GSTCD: variants seen among roughly 807,000 people sequenced by gnomAD.
The protein encoded by GSTCD is glutathione S-transferase C-terminal domain-containing protein.
A neutral mutation model predicts 68.3 loss-of-function variants in GSTCD; 44 were observed. That is an observed-to-expected ratio of 0.64 (90% CI 0.51 to 0.83). The LOEUF (loss-of-function observed/expected upper bound fraction) is 0.83, where lower values mean the gene tolerates loss of function less well. Ranked by LOEUF, GSTCD falls within the 40% of genes least tolerant of loss-of-function variation. The probability of loss-of-function intolerance (pLI) is 0.00; values close to 1 mark genes in which losing one functional copy is unlikely to be tolerated. For synonymous variants in GSTCD, 273 were observed against 255.2 expected, an observed-to-expected ratio of 1.07 and a Z score of -0.67; for missense variants, 739 against 735.9, an observed-to-expected ratio of 1.00 and a Z score of -0.05.
At chr4:105,823,389 T>C in intron 7 of GSTCD, 114 bp downstream of exon 7, 1 of 774,034 alleles carries the variant, frequency 1.3e-6, no homozygotes, top group South Asian at 1.6e-5. Flanking sequence ...GTCAAATATG[T>C]GGCACAGGCA....
chr4:105,745,559 T>TCA (rs1733771905), intron 5 of GSTCD, among the ~76,000 whole-genome samples: 1 of 152,160 alleles, frequency 6.6e-6, no homozygotes, highest in Non-Finnish European at 1.5e-5. Flanking sequence ...AAGTCCAGAG[T>TCA]CACCCTCTGT....
intron 5 of GSTCD, among the ~76,000 whole-genome samples, chr4:105,743,165 T>C (rs565898069): frequency 3.0e-4 from 45 of 152,194 alleles, no homozygotes; most frequent in African/African-American, 8.4e-4. Flanking sequence ...TTAGCCAGGA[T>C]GGTCTCGATC....
At chr4:105,742,707 C>CTTT (rs70941211) in intron 5 of GSTCD, among the ~76,000 whole-genome samples, 4 of 130,398 alleles carry the variant, frequency 3.1e-5, no homozygotes, top group African/African-American at 5.4e-5. Context: ...GTTGTTTTTA[C>CTTT]TTTTTTTTTT....
At chr4:105,839,646 AAG>A (rs147101146) in intron 10 of GSTCD, among the ~76,000 whole-genome samples, 25 of 150,582 alleles carry the variant, frequency 1.7e-4, no homozygotes, top group Admixed American at 2.6e-4. Flanking sequence ...GTCTCAAGAA[AAG>A]AGAGAGAGAG....
At chr4:105,750,663 A>G (rs891708721) in intron 5 of GSTCD, among the ~76,000 whole-genome samples, 1 of 152,150 alleles carries the variant, frequency 6.6e-6, no homozygotes, top group Non-Finnish European at 1.5e-5. Context: ...CCAGAAAAAT[A>G]ACAACTTATA....
At chr4:105,791,025 A>G (rs1735643706) in intron 5 of GSTCD, among the ~76,000 whole-genome samples, 1 of 151,974 alleles carries the variant, frequency 6.6e-6, no homozygotes, top group Non-Finnish European at 1.5e-5. Context: ...GATTTTTCTC[A>G]TGGCCAAAAA....
intron 9 of GSTCD, among the ~76,000 whole-genome samples, chr4:105,836,339 G>A (rs951913180): frequency 3.9e-5 from 6 of 152,190 alleles, no homozygotes; most frequent in Non-Finnish European, 7.3e-5. Flanking sequence ...GGTGGCCATG[G>A]GTGGGCCTGG....
At chr4:105,737,715 A>G (rs1733506281) in intron 5 of GSTCD, among the ~76,000 whole-genome samples, 1 of 152,238 alleles carries the variant, frequency 6.6e-6, no homozygotes, top group Admixed American at 6.5e-5. Context: ...CATTTATTGA[A>G]GAGACTGTCC....
rs1177557232 is a variant in GSTCD at position 105,726,731 on chromosome 4, A to T, written c.1047A>T (p.Ser349=). The T allele has an allele frequency of 1.2e-6, 2 of 1,613,854 alleles. No homozygotes were observed. Among genetic ancestry groups the T allele is most frequent in the Non-Finnish European group, 1.7e-6 (2 of 1,179,918 alleles). Residue 349 remains serine (S), a synonymous_variant, in exon 4 of 12, where the codon TCA becomes TCT. Transcript: ENST00000515279. ...ATTTACCAAAGTTGTTGACAACCTC[A>T]ACTGAACAGCATCCAAACTTATGTG... is the stretch of plus-strand genomic sequence containing the variant. The part of the protein sequence containing the change: ...FLHLPKLLTT[S]TEQHPNLCEV...
intron 5 of GSTCD, among the ~76,000 whole-genome samples, chr4:105,760,134 C>T (rs1734345782): frequency 7.6e-6 from 1 of 130,872 alleles, no homozygotes; most frequent in Admixed American, 8.4e-5. Flanking sequence ...ATGACATGAA[C>T]ATTTGGCTAA....
At chr4:105,815,534 A>T (rs1722940598) in intron 5 of GSTCD, among the ~76,000 whole-genome samples, 1 of 152,190 alleles carries the variant, frequency 6.6e-6, no homozygotes, top group Non-Finnish European at 1.5e-5. Flanking sequence ...AAGAAAACCT[A>T]TAAGGTCAGA....
intron 8 of GSTCD, among the ~76,000 whole-genome samples, chr4:105,829,219 A>G (rs72673849): frequency 0.087 from 13,121 of 151,380 alleles, 674 homozygotes; most frequent in Middle Eastern, 0.16. Flanking sequence ...AAAGGCACCT[A>G]TCCAGGCTTT....
intron 5 of GSTCD, among the ~76,000 whole-genome samples, chr4:105,806,071 C>T (rs1355221778): frequency 1.3e-5 from 2 of 152,040 alleles, no homozygotes; most frequent in African/African-American, 2.4e-5. Context: ...ATGATCAACA[C>T]TGTGTCCTTA....
intron 5 of GSTCD, chr4:105,761,707 A>T (rs1395064974): frequency 6.6e-6 from 1 of 152,076 alleles, no homozygotes; most frequent in Non-Finnish European, 1.5e-5. Context: ...ATTGCTATTT[A>T]CTTCTGGGAT....
chr4:105,734,667 T>C (rs745364022), intron 5 of GSTCD, among the ~76,000 whole-genome samples: 2 of 152,102 alleles, frequency 1.3e-5, no homozygotes, highest in African/African-American at 4.8e-5. Context: ...TCTGAAGCCT[T>C]CTTCTTTCAA....
At chr4:105,806,177 A>T (rs545675764) in intron 5 of GSTCD, among the ~76,000 whole-genome samples, 1 of 152,248 alleles carries the variant, frequency 6.6e-6, no homozygotes, top group Non-Finnish European at 1.5e-5. Flanking sequence ...TTGAATAAAT[A>T]TAAGAGTTTG....
chr4:105,734,723 G>GGAGCT (rs1244612325), intron 5 of GSTCD, among the ~76,000 whole-genome samples: 4 of 152,198 alleles, frequency 2.6e-5, no homozygotes, highest in Non-Finnish European at 5.9e-5. Context: ...TTGCTGGGTA[G>GGAGCT]GAGCTGCATT....
Position 105,834,463 on chromosome 4 carries a change from A to G in GSTCD, c.1533A>G (p.Val511=). The G allele has an allele frequency of 6.2e-7, 1 of 1,613,458 alleles. No homozygotes were observed. The highest frequency in any genetic ancestry group is 8.5e-7 in the Non-Finnish European group (1 of 1,179,684). Residue 511 remains valine, a splice_region_variant and synonymous_variant, in exon 9 of 12, where the codon GTA becomes GTG. Coordinates refer to ENST00000515279, the MANE Select transcript of GSTCD (RefSeq NM_001370181.1). ...EYFTGMFNIG[V]ALHACGVATD... is the part of the protein sequence containing the mutation. ...TAAGGCCTGGTTTTATTTTGTAGGT[A>G]GCATTGCATGCTTGTGGAGTGGCAA... is the stretch of plus-strand genomic sequence containing the variant.
chr4:105,838,309 A>G lies in GSTCD; in HGVS notation c.1695+420A>G, dbSNP rs562349751. On this transcript the variant is annotated intron_variant, in intron 10 of 11. Transcript: ENST00000515279. ...CTGCCCTTTTGTTCCAGAGGGAGAA[A>G]CTATATATTTTCCAAGGCTGTTTAC... is the stretch of plus-strand genomic sequence containing the variant. 2.0e-5 allele frequency among the ~76,000 whole-genome samples: 3 copies of G among 152,342 alleles called. No homozygotes were observed. In the East Asian group the frequency reaches 5.8e-4, roughly 29 times the overall value.
Sources: gnomAD v4.1 joint callset for allele counts (sites outside exome capture counted in the v4.1 genomes callset) on GRCh38, gnomAD v4.1.1 for gene constraint, MANE v1.5 for transcripts, NCBI Gene and HGNC (gene_info 2026-07-23, HGNC 2026-07-21) for gene names.